Variants in ANKS1B observed in about 807,000 individuals in gnomAD.
The protein encoded by ANKS1B is ankyrin repeat and sterile alpha motif domain containing 1B.
ANKS1B carries 36 observed loss-of-function variants against 148.3 expected under a neutral mutation model. The ratio of observed to expected loss-of-function variants is 0.24; its 90% CI spans 0.19 to 0.32. The LOEUF (loss-of-function observed/expected upper bound fraction) is 0.32, where lower values mean the gene tolerates loss of function less well. Among genes scored for constraint, ANKS1B ranks in the 10% least tolerant of loss-of-function variants. ANKS1B has a pLI of 1.00. For missense variants in ANKS1B, 1,157 were observed against 1,542.6 expected (o/e 0.75, Z 4.19); for synonymous variants, 542 against 560.8 (o/e 0.97, Z 0.47).
intron 11 of ANKS1B, among the ~76,000 whole-genome samples, chr12:99,435,644 C>T (rs560806551): frequency 2.0e-5 from 3 of 152,092 alleles, no homozygotes; most frequent in Admixed American, 6.6e-5. Flanking sequence ...AGGCAAATAC[C>T]ATTCTCACTT....
Position 98,745,375 on chromosome 12 carries a change from C to CTTTTTTTCTTTTTTTTTTTTTTTT in ANKS1B, c.*363_*364insAAAAAAAAAAAAAAAAGAAAAAAA, listed in dbSNP as rs2097857416. On this transcript the variant is annotated 3_prime_UTR_variant, in exon 27 of 27. Transcript: ENST00000683438. Reference sequence around the variant, plus strand: ...TAGGCAGTATTAGAGATCCCCTTTACTTTTTTTTTTTTTTTTTTTTTTTTA... The same window carrying CTTTTTTTCTTTTTTTTTTTTTTTT: ...TAGGCAGTATTAGAGATCCCCTTTACTTTTTTTCTTTTTTTTTTTTTTTTTTTTTTTTTTTTTTTTTTTTTTTTA... 1.5e-6 allele frequency: 1 copy of CTTTTTTTCTTTTTTTTTTTTTTTT among 685,050 alleles called. No homozygotes were observed. Among genetic ancestry groups the CTTTTTTTCTTTTTTTTTTTTTTTT allele is most frequent in the Non-Finnish European group, 1.7e-6 (1 of 582,664 alleles). The allele number at this position is 685,050 out of a possible 1,614,324, so 42.4% of individuals were successfully genotyped here. A position where few individuals can be genotyped will look rare whatever the true frequency, so the allele number is the denominator to read the frequency against.
At chr12:98,794,612 A>T in intron 22 of ANKS1B, 1 of 806,188 alleles carries the variant, frequency 1.2e-6, no homozygotes, top group South Asian at 1.3e-5. Flanking sequence ...CTTTAAAAAG[A>T]AGTGCGATCC....
At chr12:99,147,031 T>C (rs1446370035) in intron 15 of ANKS1B, among the ~76,000 whole-genome samples, 1 of 152,158 alleles carries the variant, frequency 6.6e-6, no homozygotes, top group African/African-American at 2.4e-5. Flanking sequence ...ATAGAGACCA[T>C]GTGGCTTGCA....
At chr12:99,278,507 A>G (rs555665476) in intron 12 of ANKS1B, among the ~76,000 whole-genome samples, 5 of 152,156 alleles carry the variant, frequency 3.3e-5, no homozygotes, top group Non-Finnish European at 7.4e-5. Context: ...GAAGTTCCCC[A>G]AATATATTTT....
chr12:99,599,043 C>T (rs2097779771), intron 9 of ANKS1B, among the ~76,000 whole-genome samples: 1 of 151,972 alleles, frequency 6.6e-6, no homozygotes, highest in East Asian at 1.9e-4. Context: ...TTAAGTCTAG[C>T]ATCTTGAAAT....
intron 9 of ANKS1B, among the ~76,000 whole-genome samples, chr12:99,617,637 A>G (rs543622599): frequency 4.6e-5 from 7 of 152,010 alleles, no homozygotes; most frequent in South Asian, 4.2e-4. Flanking sequence ...GGGGCCTTTC[A>G]GGGGTTGGGG....
At chr12:99,484,069 C>A (rs376704300) in intron 10 of ANKS1B, among the ~76,000 whole-genome samples, 4 of 151,816 alleles carry the variant, frequency 2.6e-5, no homozygotes, top group South Asian at 4.1e-4. Context: ...TTTCTCTAGT[C>A]CCTTGAGATA....
intron 17 of ANKS1B, among the ~76,000 whole-genome samples, chr12:98,933,697 GTGAGGTGAGC>G (rs2099815843): frequency 1.7e-4 from 26 of 152,098 alleles, no homozygotes; most frequent in Admixed American, 1.7e-3. Context: ...CCAGACAGGT[GTGAGGTGAGC>G]TCTCATAGTG....
intron 12 of ANKS1B, among the ~76,000 whole-genome samples, chr12:99,386,035 A>G (rs1312122059): frequency 1.3e-5 from 2 of 152,214 alleles, no homozygotes; most frequent in Admixed American, 6.5e-5. Flanking sequence ...TTCCATAGTC[A>G]ACTCCTGATT....
rs575575602 is a variant in ANKS1B at position 99,122,989 on chromosome 12, A to T, written c.2526+31300T>A. On this transcript the variant is annotated intron_variant, in intron 15 of 26. Transcript: ENST00000683438. ...GAGCTAGAAATAAATCAGTAAAATT[A>T]AAAAAAAAATATATATATATATATA... Among the ~76,000 whole-genome samples, 580 of 50,646 alleles carry T rather than the reference A, an allele frequency of 0.011. 28 individuals are homozygous for T. The East Asian group carries it at 0.25, about 22-fold the overall frequency. The allele number at this position is 50,646 out of a possible 152,430, so 33.2% of individuals were successfully genotyped here.
intron 4 of ANKS1B, among the ~76,000 whole-genome samples, chr12:99,795,790 T>C (rs866435854): frequency 6.6e-6 from 1 of 152,014 alleles, no homozygotes; most frequent in African/African-American, 2.4e-5. Flanking sequence ...TTCATTTCTG[T>C]TCATGTCTTC....
intron 1 of ANKS1B, among the ~76,000 whole-genome samples, chr12:99,963,868 A>G (rs1227746302): frequency 6.6e-6 from 1 of 152,216 alleles, no homozygotes; most frequent in Admixed American, 6.5e-5. Context: ...AATATCATAT[A>G]ACAAGAAAAA....
At chr12:98,837,889 T>C (rs2099384354) in intron 17 of ANKS1B, among the ~76,000 whole-genome samples, 1 of 152,162 alleles carries the variant, frequency 6.6e-6, no homozygotes, top group Non-Finnish European at 1.5e-5. Flanking sequence ...ATTTTGATTA[T>C]AATAGCTATA....
intron 9 of ANKS1B, among the ~76,000 whole-genome samples, chr12:99,573,907 AT>A (rs199944322): frequency 6.6e-6 from 1 of 151,002 alleles, no homozygotes; most frequent in Non-Finnish European, 1.5e-5. Context: ...CAAAAAAAAA[AT>A]TTTTTTTAAT....
intron 8 of ANKS1B, among the ~76,000 whole-genome samples, chr12:99,761,785 T>G (rs1178766452): frequency 6.6e-6 from 1 of 152,110 alleles, no homozygotes; most frequent in African/African-American, 2.4e-5. Flanking sequence ...TACGATTCTA[T>G]GCCTAGAAAA....
At chr12:99,929,159 A>G (rs1490374077) in intron 1 of ANKS1B, among the ~76,000 whole-genome samples, 2 of 152,214 alleles carry the variant, frequency 1.3e-5, no homozygotes, top group Non-Finnish European at 2.9e-5. Flanking sequence ...AAATTCTTAT[A>G]TAAGTGAAAA....
chr12:99,775,807 A>C (rs1340236854), intron 6 of ANKS1B, 146 bp from the exon 7 acceptor site: 1 of 463,020 alleles, frequency 2.2e-6, no homozygotes, highest in Non-Finnish European at 3.8e-6. Context: ...ACTTCAAAAA[A>C]CCAAACATAT....
chr12:99,542,962 G>A (rs998253330), intron 9 of ANKS1B, among the ~76,000 whole-genome samples: 6 of 151,926 alleles, frequency 3.9e-5, no homozygotes, highest in African/African-American at 1.4e-4. Context: ...AAAATAACAA[G>A]TAACAAAAGA....
At chr12:99,196,881 T>C (rs1279890742) in intron 14 of ANKS1B, among the ~76,000 whole-genome samples, 1 of 152,128 alleles carries the variant, frequency 6.6e-6, no homozygotes. Context: ...GCTTCTGTTC[T>C]CTCTTAGGTA....
Sources: gnomAD v4.1 joint callset for allele counts (sites outside exome capture counted in the v4.1 genomes callset) on GRCh38, gnomAD v4.1.1 for gene constraint, MANE v1.5 for transcripts, NCBI Gene and HGNC (gene_info 2026-07-23, HGNC 2026-07-21) for gene names.